The following ZNF451 variants were observed in gnomAD, a reference collection of about 807,000 sequenced individuals.
The protein encoded by ZNF451 is E3 SUMO-protein ligase ZNF451.
A neutral mutation model predicts 107.1 loss-of-function variants in ZNF451; 80 were observed. That is an observed-to-expected ratio of 0.75 (90% confidence interval 0.62 to 0.90). The LOEUF is 0.90. Among genes scored for constraint, ZNF451 ranks in the 40% least tolerant of loss-of-function variants. The pLI, the probability that ZNF451 is intolerant of heterozygous loss-of-function variation, is 0.00. For synonymous variants in ZNF451, 362 were observed against 406.5 expected (o/e 0.89, Z 1.32); for missense variants, 1,107 against 1,236.2 (o/e 0.90, Z 1.57).
chr6:57,101,737 A>G, intron 3 of ZNF451: 13 of 1,550,620 alleles, frequency 8.4e-6, no homozygotes, highest in Non-Finnish European at 1.1e-5. Context: ...TACTAGGGAC[A>G]TAATGGACTC....
chr6:57,110,007 T>C (rs1830039661), intron 3 of ZNF451, among the ~76,000 whole-genome samples: 1 of 152,230 alleles, frequency 6.6e-6, no homozygotes, highest in African/African-American at 2.4e-5. Flanking sequence ...ATGTCCTTTT[T>C]GGAAGAATGC....
intron 4 of ZNF451, chr6:57,126,570 G>C (rs1004347369): frequency 1.3e-5 from 2 of 152,054 alleles, no homozygotes; most frequent in Non-Finnish European, 2.9e-5. Flanking sequence ...ATTAAAGTAA[G>C]TTATCTTACT....
chr6:57,097,889 G>A lies in ZNF451; in HGVS notation c.106-1172G>A, dbSNP rs192624881. 2.5e-3 allele frequency among the ~76,000 whole-genome samples: 383 copies of A among 151,650 alleles called. 1 individual carries two copies. Among genetic ancestry groups the A allele is most frequent in the Middle Eastern group, 0.014 (4 of 294 alleles). Reference sequence around the variant, plus strand: ...ATTACTATTCTTATAGTCACCTGAGGTTAAAAACTTAGAGATCACTGACTC... The same window carrying A: ...ATTACTATTCTTATAGTCACCTGAGATTAAAAACTTAGAGATCACTGACTC... On this transcript the variant is annotated intron_variant, in intron 2 of 14. Coordinates refer to ENST00000370706, the MANE Select transcript of ZNF451 (RefSeq NM_001031623.3).
chr6:57,153,014 G>A (rs1259624826), intron 12 of ZNF451, among the ~76,000 whole-genome samples: 1 of 152,064 alleles, frequency 6.6e-6, no homozygotes, highest in Non-Finnish European at 1.5e-5. Flanking sequence ...TGTCTCTGCT[G>A]GGTACCTAGA....
chr6:57,107,417 C>T, intron 3 of ZNF451: 1 of 985,056 alleles, frequency 1.0e-6, no homozygotes, highest in Non-Finnish European at 1.2e-6. Flanking sequence ...AAAATATAGC[C>T]AGTCCAATAT....
intron 7 of ZNF451, 121 bp downstream of exon 7, chr6:57,134,991 G>A: frequency 1.3e-6 from 1 of 778,736 alleles, no homozygotes; most frequent in East Asian, 2.7e-5. Flanking sequence ...TATCAAAACT[G>A]TAATTGTCAA....
At chr6:57,167,387 A>G (rs527748149) in intron 14 of ZNF451, among the ~76,000 whole-genome samples, 1 of 152,286 alleles carries the variant, frequency 6.6e-6, no homozygotes, top group African/African-American at 2.4e-5. Flanking sequence ...TAACTTTATA[A>G]TAAGTGTTCA....
At chr6:57,111,517 A>G (rs2127949087) in intron 3 of ZNF451, among the ~76,000 whole-genome samples, 1 of 152,136 alleles carries the variant, frequency 6.6e-6, no homozygotes, top group East Asian at 1.9e-4. Context: ...AGTAGCTGGA[A>G]TCGCAGGCAC....
chr6:57,163,626 A>C (rs867556433), intron 14 of ZNF451, among the ~76,000 whole-genome samples: 1 of 149,024 alleles, frequency 6.7e-6, no homozygotes, highest in African/African-American at 2.5e-5. Context: ...AATTTTTTGT[A>C]TTTTTAGTAG....
intron 14 of ZNF451, among the ~76,000 whole-genome samples, chr6:57,163,686 G>A (rs1245281022): frequency 2.0e-5 from 3 of 151,272 alleles, no homozygotes; most frequent in African/African-American, 7.3e-5. Context: ...TCCTGACCTC[G>A]TGATCCGCCT....
rs773658669 is a variant in ZNF451 at position 57,148,248 on chromosome 6, T to G, written c.2163T>G (p.Thr721=). The G allele has an allele frequency of 7.4e-6, 12 of 1,613,892 alleles. No homozygotes were observed. Among genetic ancestry groups the G allele is most frequent in the African/African-American group, 2.7e-5 (2 of 74,936 alleles). ...FPVIETSNQL[T]CGCRESYICK... ...TAATAGAGACCAGTAACCAGTTAAC[T>G]TGTGGTTGCCGTGAGAGTTACATCT... The change falls in exon 10 of 15, where the codon ACT becomes ACG. Residue 721 remains threonine (T), a synonymous_variant. Coordinates refer to ENST00000370706, the MANE Select transcript of ZNF451 (RefSeq NM_001031623.3).
chr6:57,132,905 G>A lies in ZNF451; in HGVS notation c.425-137G>A, dbSNP rs187221719. 14 of 872,138 alleles carry A rather than the reference G, an allele frequency of 1.6e-5. No individual in the cohort carries two copies. The East Asian group carries it at 2.4e-4, about 15-fold the overall frequency. 54.0% of individuals were successfully genotyped at this position (872,138 alleles called of 1,614,324 possible). Reference sequence around the variant, plus strand: ...GGTTATTATATCTTTTATAAGAGAGGTTTTAAACAATTATAATTAGCATCA... The same window carrying A: ...GGTTATTATATCTTTTATAAGAGAGATTTTAAACAATTATAATTAGCATCA... On this transcript the variant is annotated intron_variant, in intron 5 of 14. Coordinates refer to ENST00000370706, the MANE Select transcript of ZNF451 (RefSeq NM_001031623.3).
chr6:57,169,924 A>C lies in ZNF451; in HGVS notation c.*1455A>C, dbSNP rs1399400131. ...AAAATGGGAGCAAAAGAGGCATTCC[A>C]GAAAGAAGAGTAGTTAAGCAGATGT... is the stretch of plus-strand genomic sequence containing the variant. On this transcript the variant is annotated 3_prime_UTR_variant, in exon 15 of 15. Transcript: ENST00000370706. The C allele has an allele frequency of 6.6e-6, 1 of 152,266 alleles. No individual in the cohort carries two copies. Among genetic ancestry groups the C allele is most frequent in the Non-Finnish European group, 1.5e-5 (1 of 68,062 alleles). 9.4% of individuals were successfully genotyped at this position (152,266 alleles called of 1,614,324 possible).
intron 3 of ZNF451, chr6:57,104,374 A>G (rs1478039393): frequency 1.0e-6 from 1 of 985,412 alleles, no homozygotes; most frequent in East Asian, 1.1e-4. Flanking sequence ...GGCTGCACAT[A>G]AGTGTTTCTG....
At chr6:57,149,839 T>G (rs1354251031) in intron 10 of ZNF451, among the ~76,000 whole-genome samples, 1 of 152,118 alleles carries the variant, frequency 6.6e-6, no homozygotes, top group Non-Finnish European at 1.5e-5. Context: ...ACTTTTTTTT[T>G]GGAATTTGTG....
intron 2 of ZNF451, among the ~76,000 whole-genome samples, chr6:57,097,746 C>G (rs1829395079): frequency 6.6e-6 from 1 of 152,030 alleles, no homozygotes; most frequent in Non-Finnish European, 1.5e-5. Context: ...GTTCATACTT[C>G]CCAGATTACA....
chr6:57,096,923 C>A (rs901000297), intron 2 of ZNF451, among the ~76,000 whole-genome samples: 7 of 151,354 alleles, frequency 4.6e-5, no homozygotes, highest in African/African-American at 1.7e-4. Context: ...CTACAGGTGC[C>A]CGCCACTACA....
At chr6:57,099,755 C>A (rs1829498322) in intron 3 of ZNF451, 4 of 425,386 alleles carry the variant, frequency 9.4e-6, no homozygotes, top group Non-Finnish European at 8.4e-6. Context: ...ACAGTCTTGC[C>A]TTTCATTTGT....
In ZNF451 at chr6:57,152,218, T is replaced by C; in HGVS notation, c.2753-3T>C. On this transcript the variant is annotated splice_polypyrimidine_tract_variant and splice_region_variant and intron_variant, in intron 11 of 14. Transcript: ENST00000370706. ...TCATTTTTGCCTTTTCTAAAATTAA[T>C]AGGAGGAAACACCAATTGGAAGCCT... The C allele has an allele frequency of 2.5e-6, 4 of 1,600,106 alleles. No individual in the cohort carries two copies. The highest frequency in any genetic ancestry group is 3.4e-6 in the Non-Finnish European group (4 of 1,174,590).
Sources: gnomAD v4.1 joint callset for allele counts (sites outside exome capture counted in the v4.1 genomes callset) on GRCh38, gnomAD v4.1.1 for gene constraint, MANE v1.5 for transcripts, NCBI Gene and HGNC (gene_info 2026-07-23, HGNC 2026-07-21) for gene names.